AGBL1: variants seen among roughly 807,000 people sequenced by gnomAD.
AGBL1 encodes AGBL carboxypeptidase 1.
Under a neutral mutation model 118.9 loss-of-function variants are expected in AGBL1, and 130 were observed. The ratio of observed to expected loss-of-function variants is 1.09; its 90% CI spans 0.95 to 1.26. The LOEUF (loss-of-function observed/expected upper bound fraction) is 1.26. Among genes scored for constraint, AGBL1 ranks in the 50% most tolerant of loss-of-function variants. AGBL1 has a pLI of 0.00. For synonymous variants in AGBL1, 555 were observed against 478.9 expected (o/e 1.16, Z -2.08); for missense variants, 1,584 against 1,298.1 (o/e 1.22, Z -3.38).
chr15:86,576,069 G>A (rs1021929817), intron 21 of AGBL1, among the ~76,000 whole-genome samples: 1 of 152,148 alleles, frequency 6.6e-6, no homozygotes, highest in Non-Finnish European at 1.5e-5. Flanking sequence ...GACTCAGAAG[G>A]AAGAAGATAA....
chr15:86,788,788 G>A (rs1203068605), intron 22 of AGBL1, among the ~76,000 whole-genome samples: 4 of 152,148 alleles, frequency 2.6e-5, no homozygotes, highest in Admixed American at 6.5e-5. Context: ...GCCTCTCTAA[G>A]GTACAAACAT....
At chr15:86,559,850 G>T (rs184594109) in intron 21 of AGBL1, among the ~76,000 whole-genome samples, 1 of 152,284 alleles carries the variant, frequency 6.6e-6, no homozygotes, top group East Asian at 1.9e-4. Context: ...GTAGAATGTG[G>T]TTGGTAAAAG....
At chr15:86,648,171 T>A (rs1354129772) in intron 21 of AGBL1, among the ~76,000 whole-genome samples, 1 of 152,146 alleles carries the variant, frequency 6.6e-6, no homozygotes, top group African/African-American at 2.4e-5. Flanking sequence ...TCACTCTTGC[T>A]AAACTTTGCG....
At chr15:86,860,329 A>G (rs1312094700) in intron 22 of AGBL1, among the ~76,000 whole-genome samples, 1 of 152,078 alleles carries the variant, frequency 6.6e-6, no homozygotes, top group Non-Finnish European at 1.5e-5. Context: ...TATTGACTAT[A>G]ACAACTACAT....
At chr15:86,774,177 C>T (rs921792546) in intron 22 of AGBL1, among the ~76,000 whole-genome samples, 1 of 152,050 alleles carries the variant, frequency 6.6e-6, no homozygotes, top group South Asian at 2.1e-4. Context: ...GGAACCTGAG[C>T]CCGATGCTGT....
intron 6 of AGBL1, among the ~76,000 whole-genome samples, chr15:86,244,107 A>G (rs2078682879): frequency 6.6e-6 from 1 of 151,204 alleles, no homozygotes; most frequent in Non-Finnish European, 1.5e-5. Context: ...AAGTAAATAG[A>G]CACTAATCTA....
At chr15:86,464,947 C>T (rs1170756562) in intron 18 of AGBL1, among the ~76,000 whole-genome samples, 5 of 151,644 alleles carry the variant, frequency 3.3e-5, no homozygotes, top group Non-Finnish European at 7.4e-5. Context: ...TGAATGTTGG[C>T]CTGTCTTGCT....
chr15:86,896,854 T>C (rs958076919), intron 22 of AGBL1, among the ~76,000 whole-genome samples: 2 of 152,166 alleles, frequency 1.3e-5, no homozygotes, highest in African/African-American at 4.8e-5. Flanking sequence ...TCATCAACAC[T>C]TCTCTGACCA....
intron 5 of AGBL1, among the ~76,000 whole-genome samples, chr15:86,218,988 A>C (rs1166316892): frequency 6.6e-6 from 1 of 152,204 alleles, no homozygotes; most frequent in African/African-American, 2.4e-5. Context: ...ATATTGCTTC[A>C]AGCTGCTACA....
At chr15:86,359,500 GT>G (rs2080772516) in intron 17 of AGBL1, among the ~76,000 whole-genome samples, 1 of 134,304 alleles carries the variant, frequency 7.4e-6, no homozygotes, top group Admixed American at 8.1e-5. Context: ...TCATTTGTTT[GT>G]TTAAGATTGA....
intron 18 of AGBL1, among the ~76,000 whole-genome samples, chr15:86,401,336 T>C (rs1219133257): frequency 1.3e-5 from 2 of 152,184 alleles, no homozygotes; most frequent in Admixed American, 1.3e-4. Context: ...GAATTCCTTG[T>C]AGATTTTAGA....
chr15:86,321,571 C>G (rs1378763915), intron 17 of AGBL1, among the ~76,000 whole-genome samples: 2 of 151,528 alleles, frequency 1.3e-5, no homozygotes, highest in African/African-American at 4.9e-5. Flanking sequence ...GGGTTCGAGA[C>G]CAGGCTGACC....
chr15:86,672,320 A>T (rs530897391), intron 21 of AGBL1, among the ~76,000 whole-genome samples: 3 of 152,326 alleles, frequency 2.0e-5, no homozygotes, highest in Non-Finnish European at 2.9e-5. Context: ...TTTTTACATT[A>T]TAAAATACTA....
intron 22 of AGBL1, among the ~76,000 whole-genome samples, chr15:86,788,437 A>G (rs1452835983): frequency 6.6e-6 from 1 of 152,182 alleles, no homozygotes; most frequent in African/African-American, 2.4e-5. Context: ...AGTCACTGCA[A>G]GAAAATGTGG....
downstream of AGBL1, among the ~76,000 whole-genome samples, chr15:86,916,838 G>A (rs1205697253): frequency 6.6e-6 from 1 of 152,190 alleles, no homozygotes; most frequent in Non-Finnish European, 1.5e-5. Context: ...TCACACTAGC[G>A]TTCTGTCTCT....
chr15:86,508,602 C>T (rs2083012578), intron 18 of AGBL1, among the ~76,000 whole-genome samples: 1 of 151,866 alleles, frequency 6.6e-6, no homozygotes, highest in Admixed American at 6.6e-5. Context: ...TTTTTCTCCT[C>T]TTATTTTTAT....
exon 25 of AGBL1, chr15:87,028,860 G>A: frequency 6.3e-7 from 1 of 1,599,642 alleles, no homozygotes; most frequent in East Asian, 2.2e-5. Flanking sequence ...CTTCAAATGA[G>A]CAAGTATTGA....
intron 21 of AGBL1, among the ~76,000 whole-genome samples, chr15:86,670,101 T>C (rs543611724): frequency 9.1e-4 from 138 of 152,284 alleles, no homozygotes; most frequent in African/African-American, 3.1e-3. Flanking sequence ...ATTTGGATTA[T>C]TATATATAAT....
chr15:86,873,424 A>C (rs1042833064), intron 22 of AGBL1, among the ~76,000 whole-genome samples: 2 of 152,198 alleles, frequency 1.3e-5, no homozygotes, highest in East Asian at 3.9e-4. Context: ...GATGTTTGAA[A>C]AATCTCCACT....
Sources: gnomAD v4.1 joint callset for allele counts (sites outside exome capture counted in the v4.1 genomes callset) on GRCh38, gnomAD v4.1.1 for gene constraint, MANE v1.5 for transcripts, NCBI Gene and HGNC (gene_info 2026-07-23, HGNC 2026-07-21) for gene names.